The following MECOM variants were observed in gnomAD, a reference collection of about 807,000 sequenced individuals.
MECOM encodes histone-lysine N-methyltransferase MECOM.
Under a neutral mutation model 116.3 loss-of-function variants are expected in MECOM, and 13 were observed. The observed-to-expected ratio is 0.11, with a 90% CI of 0.07 to 0.18. The LOEUF (loss-of-function observed/expected upper bound fraction) is 0.18. Among genes scored for constraint, MECOM ranks in the 10% least tolerant of loss-of-function variants. The pLI is 1.00. For synonymous variants in MECOM, 528 were observed against 535.2 expected (o/e 0.99, Z 0.19); for missense variants, 1,299 against 1,509.0 (o/e 0.86, Z 2.31).
At chr3:169,659,072 CAAAAAAAAAAAAA>C (rs199570807) in intron 1 of MECOM, among the ~76,000 whole-genome samples, 3 of 83,550 alleles carry the variant, frequency 3.6e-5, no homozygotes, top group Non-Finnish European at 4.8e-5. Flanking sequence ...CCTTCAACTC[CAAAAAAAAAAAAA>C]AAAAAAGAAA....
chr3:169,300,274 C>T (rs535612232), intron 2 of MECOM, among the ~76,000 whole-genome samples: 1 of 152,254 alleles, frequency 6.6e-6, no homozygotes, highest in South Asian at 2.1e-4. Context: ...TGAATTTCTG[C>T]TCTCACAGTA....
chr3:169,120,989 C>A (rs1730845306), intron 7 of MECOM, 67 bp downstream of exon 7: 1 of 1,520,438 alleles, frequency 6.6e-7, no homozygotes, highest in Admixed American at 1.9e-5. Flanking sequence ...CAGCCACTCT[C>A]CTGGTCACAG....
chr3:169,216,173 T>C (rs531884473), intron 2 of MECOM, among the ~76,000 whole-genome samples: 2 of 152,358 alleles, frequency 1.3e-5, no homozygotes, highest in East Asian at 3.9e-4. Context: ...AGGGAAGTTT[T>C]CTGGCTGCTT....
At chr3:169,268,376 A>G (rs1758557210) in intron 2 of MECOM, among the ~76,000 whole-genome samples, 1 of 152,118 alleles carries the variant, frequency 6.6e-6, no homozygotes, top group Non-Finnish European at 1.5e-5. Flanking sequence ...TATCTCAAAT[A>G]CTTGTTTGGA....
chr3:169,361,147 A>G (rs373540785), intron 2 of MECOM, among the ~76,000 whole-genome samples: 8 of 151,994 alleles, frequency 5.3e-5, no homozygotes, highest in African/African-American at 1.9e-4. Context: ...TTAAATGTAC[A>G]GCTCTTACCT....
rs373397155 is a variant in MECOM at position 169,514,007 on chromosome 3, GA to G, written c.38-132484del. Among the ~76,000 whole-genome samples, 110 of 152,272 alleles carry G rather than the reference GA, an allele frequency of 7.2e-4. 2 individuals carry two copies. In the East Asian group the frequency reaches 0.016, roughly 22 times the overall value. On this transcript the variant is annotated intron_variant, in intron 1 of 16. Transcript: ENST00000651503. Reference sequence around the variant, plus strand: ...AGTGGCTAGTGCATCCAGAAATACAGACCTAATATTTCACAATTGTTCTACA... The same window carrying G: ...AGTGGCTAGTGCATCCAGAAATACAGCCTAATATTTCACAATTGTTCTACA...
chr3:169,151,789 A>G (rs1741209731), intron 2 of MECOM, among the ~76,000 whole-genome samples: 1 of 152,224 alleles, frequency 6.6e-6, no homozygotes, highest in African/African-American at 2.4e-5. Context: ...ATAAGAAATA[A>G]TGTAAGTATG....
At chr3:169,448,282 G>C (rs889348201) in intron 1 of MECOM, among the ~76,000 whole-genome samples, 1 of 152,152 alleles carries the variant, frequency 6.6e-6, no homozygotes, top group Non-Finnish European at 1.5e-5. Context: ...GAATGCTTAG[G>C]TGCCTGACCA....
Position 169,363,466 on chromosome 3 carries a change from G to A in MECOM, c.375+17721C>T, listed in dbSNP as rs1015630857. On this transcript the variant is annotated intron_variant, in intron 2 of 16. Transcript: ENST00000651503. ...GAGACTTCTGGCTAACAACACGTGC[G>A]CTCTTTCTGGTGCTGCTTCTTGAGC... is the stretch of plus-strand genomic sequence containing the variant. Among the ~76,000 whole-genome samples, 6 of 151,914 alleles carry A rather than the reference G, an allele frequency of 3.9e-5. No homozygotes were observed. The South Asian group carries it at 6.2e-4, about 16-fold the overall frequency.
At chr3:169,200,566 A>G (rs1301945232) in intron 2 of MECOM, among the ~76,000 whole-genome samples, 1 of 152,096 alleles carries the variant, frequency 6.6e-6, no homozygotes, top group Non-Finnish European at 1.5e-5. Context: ...GAAGGAAAAA[A>G]TTTAGGCAGA....
At chr3:169,440,204 T>C (rs1743368375) in intron 1 of MECOM, among the ~76,000 whole-genome samples, 1 of 100,558 alleles carries the variant, frequency 9.9e-6, no homozygotes, top group Non-Finnish European at 2.0e-5. Flanking sequence ...ATATGTTATG[T>C]TTTATATGTG....
chr3:169,543,169 T>G (rs975897029), intron 1 of MECOM, among the ~76,000 whole-genome samples: 8 of 152,216 alleles, frequency 5.3e-5, no homozygotes, highest in African/African-American at 1.7e-4. Context: ...CAGAGTCCAA[T>G]TATTGGCTCT....
chr3:169,586,006 C>T (rs1425539071), intron 1 of MECOM, among the ~76,000 whole-genome samples: 1 of 152,158 alleles, frequency 6.6e-6, no homozygotes, highest in Non-Finnish European at 1.5e-5. Context: ...GACTCTACAA[C>T]CACAAAATTG....
In MECOM at chr3:169,115,398, A is replaced by T; in HGVS notation, c.2474T>A (p.Met825Lys). Reference sequence around the variant, plus strand: ...ACACGCTTACCTGTAAATAGGGTCCATAAAGAAAGGAGTGGGTCTTGCATG... The same window carrying T: ...ACACGCTTACCTGTAAATAGGGTCCTTAAAGAAAGGAGTGGGTCTTGCATG... ...LQHARPTPFF[M>K]DPIYRVEKRK... Residue 825 changes from methionine to lysine, a missense_variant, in exon 8 of 17, where the codon ATG (methionine) becomes AAG (lysine). Coordinates refer to ENST00000651503, the MANE Select transcript of MECOM (RefSeq NM_004991.4). 1 of 1,613,952 alleles carries T rather than the reference A, an allele frequency of 6.2e-7. No individual in the cohort carries two copies. The highest frequency in any genetic ancestry group is 8.5e-7 in the Non-Finnish European group (1 of 1,179,912).
At chr3:169,505,646 A>G (rs1755118672) in intron 1 of MECOM, among the ~76,000 whole-genome samples, 1 of 152,242 alleles carries the variant, frequency 6.6e-6, no homozygotes, top group South Asian at 2.1e-4. Context: ...ATTGCTAACT[A>G]TAGTCATCAG....
At chr3:169,311,679 T>A (rs1260700063) in intron 2 of MECOM, among the ~76,000 whole-genome samples, 1 of 123,784 alleles carries the variant, frequency 8.1e-6, no homozygotes, top group Non-Finnish European at 1.7e-5. Context: ...TTTTACATTT[T>A]ACTCTTTTTT....
intron 1 of MECOM, among the ~76,000 whole-genome samples, chr3:169,594,275 C>T (rs1766859990): frequency 1.3e-5 from 2 of 151,526 alleles, no homozygotes; most frequent in African/African-American, 4.9e-5. Flanking sequence ...AAAACAGAAG[C>T]ACATGTGGCA....
At chr3:169,178,580 T>C (rs561123570) in intron 2 of MECOM, among the ~76,000 whole-genome samples, 1 of 152,180 alleles carries the variant, frequency 6.6e-6, no homozygotes, top group Non-Finnish European at 1.5e-5. Flanking sequence ...AATCAGGTCA[T>C]GTTTGCCAGC....
chr3:169,180,076 T>G (rs2149393003), intron 2 of MECOM, among the ~76,000 whole-genome samples: 1 of 152,282 alleles, frequency 6.6e-6, no homozygotes, highest in East Asian at 1.9e-4. Context: ...CCTTTTTAAT[T>G]TTACTAGTTT....
Sources: allele counts gnomAD v4.1 joint callset (sites outside exome capture counted in the v4.1 genomes callset), GRCh38; gene constraint gnomAD v4.1.1; transcripts MANE v1.5; gene names NCBI Gene and HGNC (gene_info 2026-07-23, HGNC 2026-07-21).